DENND5B: variants seen among roughly 807,000 people sequenced by gnomAD.
The protein encoded by DENND5B is DENN domain containing 5B, also known as DENN domain-containing protein 5B.
Under a neutral mutation model 140.6 loss-of-function variants are expected in DENND5B, and 34 were observed. That is an observed-to-expected ratio of 0.24 (90% CI 0.18 to 0.32). DENND5B has a LOEUF of 0.32. Ranked by LOEUF, DENND5B falls within the 10% of genes least tolerant of loss-of-function variation. The probability of loss-of-function intolerance (pLI) is 1.00; values close to 1 mark genes in which losing one functional copy is unlikely to be tolerated. For synonymous variants in DENND5B, 551 were observed against 562.1 expected, an observed-to-expected ratio of 0.98 and a Z score of 0.28; for missense variants, 1,142 against 1,560.2, an observed-to-expected ratio of 0.73 and a Z score of 4.52.
At chr12:31,448,940 G>A (rs1282186800) in intron 5 of DENND5B, among the ~76,000 whole-genome samples, 1 of 152,198 alleles carries the variant, frequency 6.6e-6, no homozygotes, top group East Asian at 1.9e-4. Context: ...CACCTTTCCT[G>A]TTACTAGCCT....
At position 31,413,465 on chromosome 12, in the gene DENND5B, C is replaced by T; in HGVS notation, c.2652G>A (p.Lys884=). 6.2e-7 allele frequency: 1 copy of T among 1,613,866 alleles called. No individual in the cohort carries two copies. Among genetic ancestry groups the T allele is most frequent in the Non-Finnish European group, 8.5e-7 (1 of 1,179,784 alleles). The change falls in exon 13 of 21, where the codon AAG becomes AAA. Residue 884 remains lysine (K), a synonymous_variant. Coordinates refer to ENST00000389082, the MANE Select transcript of DENND5B (RefSeq NM_144973.4). The part of the protein sequence containing the change: ...LEKKLLSQHL[K]QLLSNQPLTK... ...TGAGTGGTTGGTTAGAAAGCAACTG[C>T]TTAAGATGCTGGGACAAGAGCTTCT...
Position 31,392,363 on chromosome 12 carries a change from C to T in DENND5B, c.3370G>A (p.Glu1124Lys). ...TCAAGGGCTGCAACCAGGCCATTTT[C>T]TCCACACAGCAACACGGTGAGGCTT... ...RGSLTVLLCG[E>K]NGLVAALEQV... Residue 1124 changes from glutamate (E) to lysine (K), a missense_variant, in exon 19 of 21, where the codon GAA (glutamate) becomes AAA (lysine). Around this residue, in one of 5 missense-constraint regions of DENND5B, gnomAD observed 8 missense variants for 35.8 expected, o/e 0.22. Coordinates refer to ENST00000389082, the MANE Select transcript of DENND5B (RefSeq NM_144973.4). The T allele has an allele frequency of 1.2e-6, 2 of 1,613,752 alleles. No homozygotes were observed. Among genetic ancestry groups the T allele is most frequent in the Non-Finnish European group, 1.7e-6 (2 of 1,179,856 alleles).
In DENND5B at chr12:31,486,459, G is replaced by A. The variant is rs557276222; in HGVS notation, c.238-6204C>T. Reference sequence around the variant, plus strand: ...ATTTTATTTTAGCAGGAGGAATGGAGTAAGAAAAACCCTTAGGTCAAATAC... The same window carrying A: ...ATTTTATTTTAGCAGGAGGAATGGAATAAGAAAAACCCTTAGGTCAAATAC... On this transcript the variant is annotated intron_variant, in intron 2 of 20. Coordinates refer to ENST00000389082, the MANE Select transcript of DENND5B (RefSeq NM_144973.4). Among the ~76,000 whole-genome samples, 109 of 152,286 alleles carry A rather than the reference G, an allele frequency of 7.2e-4. 1 individual carries two copies. The highest frequency in any genetic ancestry group is 2.6e-3 in the African/African-American group (107 of 41,562).
At chr12:31,573,967 T>TAAA (rs544048362) in intron 1 of DENND5B, among the ~76,000 whole-genome samples, 12 of 131,424 alleles carry the variant, frequency 9.1e-5, no homozygotes, top group African/African-American at 2.8e-4. Context: ...CTTTATCTCT[T>TAAA]AAAAAAAAAA....
At chr12:31,448,763 C>T (rs1037826963) in intron 5 of DENND5B, among the ~76,000 whole-genome samples, 1 of 152,116 alleles carries the variant, frequency 6.6e-6, no homozygotes, top group African/African-American at 2.4e-5. Flanking sequence ...ACAGTCCCAG[C>T]CACTAGGGAG....
chr12:31,424,081 A>G (rs1170316551), intron 10 of DENND5B, among the ~76,000 whole-genome samples: 1 of 152,208 alleles, frequency 6.6e-6, no homozygotes, highest in Non-Finnish European at 1.5e-5. Flanking sequence ...GAGTGGCGAT[A>G]AGAGAAAAAA....
At chr12:31,546,864 G>T (rs187901322) in intron 1 of DENND5B, among the ~76,000 whole-genome samples, 2 of 151,982 alleles carry the variant, frequency 1.3e-5, no homozygotes, top group Non-Finnish European at 2.9e-5. Context: ...TTCGACAACC[G>T]CAACCAAAAT....
intron 1 of DENND5B, among the ~76,000 whole-genome samples, chr12:31,572,106 C>A (rs1949844728): frequency 1.3e-5 from 2 of 152,122 alleles, no homozygotes; most frequent in Middle Eastern, 3.4e-3. Context: ...TGCCTGTAAT[C>A]CCAGCTACTT....
intron 17 of DENND5B, among the ~76,000 whole-genome samples, chr12:31,394,278 T>C (rs965663392): frequency 2.4e-5 from 3 of 125,454 alleles, no homozygotes; most frequent in African/African-American, 9.1e-5. Context: ...ATTTTACATA[T>C]AACATACTGT....
intron 19 of DENND5B, among the ~76,000 whole-genome samples, chr12:31,390,690 A>G (rs2137265190): frequency 6.6e-6 from 1 of 151,748 alleles, no homozygotes; most frequent in Non-Finnish European, 1.5e-5. Flanking sequence ...TATGTGGCTA[A>G]TGGTTACTAT....
At chr12:31,517,801 T>C (rs997812481) in intron 1 of DENND5B, among the ~76,000 whole-genome samples, 3 of 152,162 alleles carry the variant, frequency 2.0e-5, no homozygotes, top group African/African-American at 7.2e-5. Flanking sequence ...GGCTGGGAAG[T>C]GAAGCACAGG....
chr12:31,383,183 G>A lies in DENND5B; in HGVS notation c.*4420C>T, dbSNP rs764239241. 18 of 152,156 alleles carry A rather than the reference G, an allele frequency of 1.2e-4. No individual in the cohort carries two copies. Among genetic ancestry groups the A allele is most frequent in the Non-Finnish European group, 1.9e-4 (13 of 68,024 alleles). The allele number at this position is 152,156 out of a possible 1,614,324, so 9.4% of individuals were successfully genotyped here. ...GTAAACCTCACAGAAAATATTCACA[G>A]TTCCCTAAATGAAAAATTGTAATCT... is the stretch of plus-strand genomic sequence containing the variant. On this transcript the variant is annotated 3_prime_UTR_variant, in exon 21 of 21. Coordinates refer to ENST00000389082, the MANE Select transcript of DENND5B (RefSeq NM_144973.4).
chr12:31,559,260 ATCAAAC>A (rs1949396297), intron 1 of DENND5B, among the ~76,000 whole-genome samples: 1 of 152,154 alleles, frequency 6.6e-6, no homozygotes, highest in South Asian at 2.1e-4. Context: ...TCCTCAACAA[ATCAAAC>A]TCAAAGACAA....
At chr12:31,576,328 C>T (rs1427513756) in intron 1 of DENND5B, among the ~76,000 whole-genome samples, 1 of 151,436 alleles carries the variant, frequency 6.6e-6, no homozygotes, top group African/African-American at 2.4e-5. Context: ...TGGCAGACGC[C>T]TGTAATCCCA....
intron 1 of DENND5B, among the ~76,000 whole-genome samples, chr12:31,525,053 T>C: frequency 6.6e-6 from 1 of 152,202 alleles, no homozygotes; most frequent in East Asian, 1.9e-4. Context: ...CCCACTTGCA[T>C]GACCAAAATA....
rs910257862 is a variant in DENND5B at position 31,548,655 on chromosome 12, ATGT to A, written c.127+42048_127+42050del. ...TCATGAGAACCTGACATTTTCTCAA[ATGT>A]TGTGTTATACACCAGAGCAGAATCT... On this transcript the variant is annotated intron_variant, in intron 1 of 20. Transcript: ENST00000389082. Among the ~76,000 whole-genome samples, 7 of 152,220 alleles carry A rather than the reference ATGT, an allele frequency of 4.6e-5. No individual in the cohort carries two copies. The East Asian group carries it at 9.6e-4, about 21-fold the overall frequency.
intron 1 of DENND5B, among the ~76,000 whole-genome samples, chr12:31,514,560 A>C (rs149227736): frequency 3.9e-5 from 6 of 152,214 alleles, no homozygotes; most frequent in African/African-American, 1.4e-4. Context: ...TCACGCCTGT[A>C]ATCACAACAC....
At chr12:31,487,198 T>C (rs1473043487) in intron 2 of DENND5B, among the ~76,000 whole-genome samples, 4 of 152,220 alleles carry the variant, frequency 2.6e-5, no homozygotes. Flanking sequence ...ATTAAATTAC[T>C]ATGTATATTT....
chr12:31,497,737 C>G (rs569135463), intron 1 of DENND5B, among the ~76,000 whole-genome samples: 1 of 130,608 alleles, frequency 7.7e-6, no homozygotes, highest in South Asian at 2.9e-4. Context: ...CATAGTGAAA[C>G]CTCATCTCGA....
Sources: allele counts gnomAD v4.1 joint callset (sites outside exome capture counted in the v4.1 genomes callset), GRCh38; gene constraint gnomAD v4.1.1; regional missense constraint gnomAD v4.1.1; transcripts MANE v1.5; gene names NCBI Gene and HGNC (gene_info 2026-07-23, HGNC 2026-07-21).